The following DOCK2 variants were observed in gnomAD, a reference collection of about 807,000 sequenced individuals.
DOCK2 encodes dedicator of cytokinesis protein 2.
A neutral mutation model predicts 248.9 loss-of-function variants in DOCK2; 87 were observed. The observed-to-expected ratio is 0.35, with a 90% CI of 0.29 to 0.42. The LOEUF (loss-of-function observed/expected upper bound fraction) is 0.42, where lower values mean the gene tolerates loss of function less well. Ranked by LOEUF, DOCK2 falls within the 10% of genes least tolerant of loss-of-function variation. DOCK2 has a pLI of 1.00. For missense variants in DOCK2, 1,747 were observed against 2,300.2 expected, an observed-to-expected ratio of 0.76 and a Z score of 4.92; for synonymous variants, 805 against 821.6, an observed-to-expected ratio of 0.98 and a Z score of 0.35.
chr5:169,709,419 G>T (rs992184793), intron 15 of DOCK2, among the ~76,000 whole-genome samples: 4 of 152,158 alleles, frequency 2.6e-5, no homozygotes, highest in Non-Finnish European at 5.9e-5. Context: ...TAACGTTTTA[G>T]GCCAGGTGCA....
intron 32 of DOCK2, among the ~76,000 whole-genome samples, chr5:170,016,335 A>G (rs1167110796): frequency 1.3e-5 from 2 of 152,166 alleles, no homozygotes; most frequent in African/African-American, 4.8e-5. Flanking sequence ...TTTTTTTCCC[A>G]AGTGAGTTTG....
chr5:169,805,318 C>T (rs1767293288), intron 26 of DOCK2, among the ~76,000 whole-genome samples: 1 of 151,916 alleles, frequency 6.6e-6, no homozygotes, highest in Non-Finnish European at 1.5e-5. Flanking sequence ...GAGGGGATTC[C>T]TTGAGCCCAG....
chr5:170,082,711 C>G, intron 51 of DOCK2, 85 bp from the exon 52 acceptor site: 7 of 1,550,862 alleles, frequency 4.5e-6, no homozygotes, highest in Non-Finnish European at 6.1e-6. Flanking sequence ...TGTTGAGGCC[C>G]TTGTGATTAG....
intron 27 of DOCK2, chr5:169,934,931 G>C: frequency 3.0e-6 from 1 of 328,726 alleles, no homozygotes; most frequent in Non-Finnish European, 6.0e-6. Flanking sequence ...TGAGAAAGTA[G>C]TATAGAAAGT....
chr5:169,822,749 G>A (rs905929138), intron 26 of DOCK2, among the ~76,000 whole-genome samples: 1 of 152,072 alleles, frequency 6.6e-6, no homozygotes, highest in Admixed American at 6.5e-5. Flanking sequence ...GCTAGCAGAA[G>A]GCAAGAAATA....
intron 27 of DOCK2, among the ~76,000 whole-genome samples, chr5:169,879,600 AACTT>A (rs370576126): frequency 3.0e-4 from 45 of 152,358 alleles, no homozygotes; most frequent in African/African-American, 1.0e-3. Context: ...CCAGGGGTGT[AACTT>A]AATTTAGAAT....
intron 27 of DOCK2, among the ~76,000 whole-genome samples, chr5:169,853,934 C>T (rs1161161356): frequency 6.9e-6 from 1 of 144,080 alleles, no homozygotes; most frequent in Non-Finnish European, 1.5e-5. Flanking sequence ...CTCCCGGGTT[C>T]ACACCATTCT....
chr5:169,716,348 A>G (rs750525260), intron 20 of DOCK2, 46 bp downstream of exon 20: 190 of 1,584,682 alleles, frequency 1.2e-4, no homozygotes, highest in Non-Finnish European at 1.6e-4. Flanking sequence ...GCATTAATGT[A>G]TGTCTTACTG....
At chr5:169,797,431 A>C (rs1766720625) in intron 25 of DOCK2, among the ~76,000 whole-genome samples, 1 of 152,242 alleles carries the variant, frequency 6.6e-6, no homozygotes, top group African/African-American at 2.4e-5. Flanking sequence ...GAGCCATCAA[A>C]TAATTGCAAA....
intron 27 of DOCK2, among the ~76,000 whole-genome samples, chr5:169,904,643 GC>G (rs2113596224): frequency 1.3e-5 from 2 of 152,262 alleles, no homozygotes; most frequent in East Asian, 3.9e-4. Flanking sequence ...CCTAGTGAGG[GC>G]CCCGCAGTCC....
intron 32 of DOCK2, among the ~76,000 whole-genome samples, chr5:170,016,273 C>T (rs1216860373): frequency 3.3e-5 from 5 of 152,196 alleles, no homozygotes; most frequent in Non-Finnish European, 7.3e-5. Flanking sequence ...AGTAAATGCC[C>T]TTCCTTGGCT....
At chr5:169,651,877 G>T (rs534796661) in intron 1 of DOCK2, among the ~76,000 whole-genome samples, 1 of 152,360 alleles carries the variant, frequency 6.6e-6, no homozygotes, top group East Asian at 1.9e-4. Flanking sequence ...GGTCGACAGA[G>T]CAGTTGGTTG....
chr5:169,871,239 C>T (rs572074543), intron 27 of DOCK2, among the ~76,000 whole-genome samples: 12 of 152,252 alleles, frequency 7.9e-5, no homozygotes, highest in African/African-American at 2.6e-4. Context: ...ATACCTAGTC[C>T]TTTGATTTTT....
intron 25 of DOCK2, among the ~76,000 whole-genome samples, chr5:169,801,811 G>C (rs567452351): frequency 0.018 from 1,616 of 91,862 alleles, 30 homozygotes; most frequent in African/African-American, 0.047. Flanking sequence ...CATTGGTTTT[G>C]CTTTTTTTTT....
At chr5:169,944,432 G>A (rs1776367033) in intron 27 of DOCK2, among the ~76,000 whole-genome samples, 1 of 152,202 alleles carries the variant, frequency 6.6e-6, no homozygotes, top group East Asian at 1.9e-4. Context: ...GTTGCAAGGA[G>A]CCAGCCGTGA....
At chr5:169,731,906 G>A (rs914028781) in intron 22 of DOCK2, among the ~76,000 whole-genome samples, 14 of 152,062 alleles carry the variant, frequency 9.2e-5, no homozygotes, top group Admixed American at 7.9e-4. Flanking sequence ...GATCACCTGA[G>A]CTCAGGAGTT....
intron 27 of DOCK2, among the ~76,000 whole-genome samples, chr5:169,900,152 A>G (rs1773841981): frequency 6.6e-6 from 1 of 152,196 alleles, no homozygotes; most frequent in Admixed American, 6.5e-5. Context: ...TCTCAGATCT[A>G]AAGGAGGAGA....
At chr5:170,055,131 C>T (rs1418509999) in intron 41 of DOCK2, among the ~76,000 whole-genome samples, 174 bp from the exon 42 acceptor site, 1 of 152,176 alleles carries the variant, frequency 6.6e-6, no homozygotes, top group East Asian at 1.9e-4. Flanking sequence ...TGATAAGGAC[C>T]TCAGTGACTA....
chr5:169,845,840 G>T (rs1561758264), intron 27 of DOCK2, among the ~76,000 whole-genome samples: 1 of 152,198 alleles, frequency 6.6e-6, no homozygotes, highest in African/African-American at 2.4e-5. Flanking sequence ...GAGCAGAAAT[G>T]TACCTGAAAT....
Sources: gnomAD v4.1 joint callset for allele counts (sites outside exome capture counted in the v4.1 genomes callset) on GRCh38, gnomAD v4.1.1 for gene constraint, MANE v1.5 for transcripts, NCBI Gene and HGNC (gene_info 2026-07-23, HGNC 2026-07-21) for gene names.